The following SRGAP3 variants were observed in gnomAD, a reference collection of about 807,000 sequenced individuals.
SRGAP3 encodes SLIT-ROBO Rho GTPase-activating protein 3.
In SRGAP3, 39 loss-of-function variants were observed where a neutral mutation model predicts 121.1. The observed-to-expected ratio is 0.32, with a 90% CI of 0.25 to 0.42. SRGAP3 has a LOEUF of 0.42. SRGAP3 is among the 10% of genes least tolerant of loss of function. SRGAP3 has a pLI of 1.00. For missense variants in SRGAP3, 1,213 were observed against 1,470.6 expected (o/e 0.82, Z 2.86); for synonymous variants, 601 against 570.0 (o/e 1.05, Z -0.77).
At chr3:8,988,635 T>G (rs1941862371) in intron 21 of SRGAP3, among the ~76,000 whole-genome samples, 1 of 152,134 alleles carries the variant, frequency 6.6e-6, no homozygotes, top group Admixed American at 6.5e-5. Context: ...CATGCCCTGT[T>G]TTCTTTCTTG....
intron 1 of SRGAP3, among the ~76,000 whole-genome samples, chr3:9,158,362 C>T (rs952897416): frequency 1.3e-5 from 2 of 152,200 alleles, no homozygotes; most frequent in Non-Finnish European, 2.9e-5. Context: ...CATTCACATG[C>T]AGCCCCCTGT....
At chr3:9,132,160 T>C (rs1392616556) in intron 1 of SRGAP3, among the ~76,000 whole-genome samples, 1 of 152,082 alleles carries the variant, frequency 6.6e-6, no homozygotes, top group East Asian at 1.9e-4. Flanking sequence ...GTACAGAGAG[T>C]TCCCATATAT....
intron 18 of SRGAP3, among the ~76,000 whole-genome samples, chr3:8,995,777 A>G (rs371474993): frequency 6.6e-6 from 1 of 152,242 alleles, no homozygotes; most frequent in African/African-American, 2.4e-5. Flanking sequence ...CATATGTGGT[A>G]GAAAACTGAT....
intron 3 of SRGAP3, chr3:9,081,107 C>T (rs1947224421): frequency 3.0e-6 from 1 of 337,994 alleles, no homozygotes; most frequent in Non-Finnish European, 5.8e-6. Flanking sequence ...TCTTCCTTGA[C>T]TGAGAATCAG....
chr3:9,071,447 C>T (rs1175221151), intron 4 of SRGAP3, among the ~76,000 whole-genome samples: 1 of 152,102 alleles, frequency 6.6e-6, no homozygotes, highest in Non-Finnish European at 1.5e-5. Flanking sequence ...CAATTAGATG[C>T]TACCCTAGGG....
At chr3:9,269,486 T>G (rs970545427) in intron 3 of SRGAP3, among the ~76,000 whole-genome samples, 1 of 152,220 alleles carries the variant, frequency 6.6e-6, no homozygotes, top group Non-Finnish European at 1.5e-5. Context: ...AGACCAATTC[T>G]TATTTGGGAA....
At position 9,058,246 on chromosome 3, in the gene SRGAP3, C is replaced by G; in HGVS notation, c.1023+5G>C. 1.9e-6 allele frequency: 3 copies of G among 1,614,012 alleles called. No homozygotes were observed. Among genetic ancestry groups the G allele is most frequent in the Non-Finnish European group, 2.5e-6 (3 of 1,179,960 alleles). The stretch of plus-strand genomic sequence containing the variant: ...CCCAAGCCCGGGCTCCAGGAGGAAG[C>G]CTACCTCATCCCCCATGTGGGGCTG... On this transcript the variant is annotated splice_donor_5th_base_variant and intron_variant, in intron 7 of 21. Coordinates refer to ENST00000383836, the MANE Select transcript of SRGAP3 (RefSeq NM_014850.4).
At chr3:9,037,980 A>T in intron 11 of SRGAP3, 83 bp downstream of exon 11, 1 of 1,583,312 alleles carries the variant, frequency 6.3e-7, no homozygotes. Context: ...CTGCTTCTCC[A>T]GCTCCTGGCA....
chr3:9,217,408 G>GGCA (rs1399487943), intron 1 of SRGAP3: 1 of 152,164 alleles, frequency 6.6e-6, no homozygotes, highest in Non-Finnish European at 1.5e-5. Context: ...CCTCCAAGGG[G>GGCA]GCACGTCAAA....
At chr3:9,313,123 A>C (rs191407718) in intron 3 of SRGAP3, among the ~76,000 whole-genome samples, 23 of 152,244 alleles carry the variant, frequency 1.5e-4, no homozygotes, top group African/African-American at 5.1e-4. Flanking sequence ...TCCTCTCCCA[A>C]GTGCTTACTC....
chr3:9,216,878 C>G (rs1952654816), intron 1 of SRGAP3: 1 of 152,240 alleles, frequency 6.6e-6, no homozygotes, highest in Non-Finnish European at 1.5e-5. Context: ...CGGATGAACC[C>G]TGAAGCATTA....
chr3:9,045,191 T>TA (rs566506713), intron 10 of SRGAP3, among the ~76,000 whole-genome samples: 12,341 of 138,906 alleles, frequency 0.089, 553 homozygotes, highest in East Asian at 0.12. Context: ...AAGTTTACTT[T>TA]AAAAAAAAAA....
At chr3:9,224,437 A>G (rs1242979139) in intron 1 of SRGAP3, among the ~76,000 whole-genome samples, 1 of 152,208 alleles carries the variant, frequency 6.6e-6, no homozygotes, top group Non-Finnish European at 1.5e-5. Context: ...CAGGCAGGTC[A>G]GAGGGTGCCT....
At chr3:9,233,129 C>G (rs1043808956) in intron 1 of SRGAP3, among the ~76,000 whole-genome samples, 11 of 152,214 alleles carry the variant, frequency 7.2e-5, no homozygotes, top group Admixed American at 7.2e-4. Context: ...GTGCCAAGCA[C>G]TGTGCTGGAA....
intron 1 of SRGAP3, among the ~76,000 whole-genome samples, chr3:9,224,444 G>A (rs1952919766): frequency 6.6e-6 from 1 of 152,176 alleles, no homozygotes; most frequent in Non-Finnish European, 1.5e-5. Context: ...GTCAGAGGGT[G>A]CCTGCCCATC....
chr3:9,123,042 A>G (rs531603183), intron 2 of SRGAP3, among the ~76,000 whole-genome samples: 1 of 152,362 alleles, frequency 6.6e-6, no homozygotes, highest in East Asian at 1.9e-4. Context: ...CACAGGGATG[A>G]ACTTTGAGGC....
chr3:9,094,611 A>C (rs569040987), intron 3 of SRGAP3, among the ~76,000 whole-genome samples: 3 of 152,202 alleles, frequency 2.0e-5, no homozygotes, highest in Admixed American at 1.3e-4. Flanking sequence ...GAGGGTCCTG[A>C]GGCTCCACAT....
At chr3:9,037,805 G>A in intron 11 of SRGAP3, 3 of 580,006 alleles carry the variant, frequency 5.2e-6, no homozygotes, top group Non-Finnish European at 9.3e-6. Context: ...AGCGCAAAGG[G>A]AGGGTGCCCC....
chr3:9,359,498 A>G (rs1459288811), intron 1 of SRGAP3, among the ~76,000 whole-genome samples: 1 of 152,252 alleles, frequency 6.6e-6, no homozygotes, highest in Non-Finnish European at 1.5e-5. Context: ...ATGGACAACC[A>G]TATCAAAAAG....
Sources: gnomAD v4.1 joint callset for allele counts (sites outside exome capture counted in the v4.1 genomes callset) on GRCh38, gnomAD v4.1.1 for gene constraint, MANE v1.5 for transcripts, NCBI Gene and HGNC (gene_info 2026-07-23, HGNC 2026-07-21) for gene names.